The following MAML3 variants were observed in gnomAD, a reference collection of about 807,000 sequenced individuals.
The protein encoded by MAML3 is mastermind like transcriptional coactivator 3.
In MAML3, 27 loss-of-function variants were observed where a neutral mutation model predicts 101.9. The observed-to-expected ratio is 0.27, with a 90% CI of 0.20 to 0.37. MAML3 has a LOEUF of 0.37. Among genes scored for constraint, MAML3 ranks in the 10% least tolerant of loss-of-function variants. MAML3 has a pLI of 1.00. For missense variants in MAML3, 1,316 were observed against 1,444.9 expected (o/e 0.91, Z 1.45); for synonymous variants, 501 against 555.9 (o/e 0.90, Z 1.39).
intron 1 of MAML3, chr4:140,134,028 C>G (rs1321724187): frequency 2.3e-6 from 1 of 433,546 alleles, no homozygotes; most frequent in East Asian, 7.1e-5. Context: ...CTTCTGCCAT[C>G]TCTCCCATCT....
chr4:139,959,487 T>C (rs1483724483), intron 1 of MAML3, among the ~76,000 whole-genome samples: 1 of 152,194 alleles, frequency 6.6e-6, no homozygotes, highest in Non-Finnish European at 1.5e-5. Flanking sequence ...AAAAGAAAGC[T>C]GCTTTCAAGG....
At chr4:140,128,374 A>C (rs545740129) in intron 1 of MAML3, among the ~76,000 whole-genome samples, 1 of 152,324 alleles carries the variant, frequency 6.6e-6, no homozygotes, top group African/African-American at 2.4e-5. Context: ...AACAACCTGC[A>C]GGGCTAAAAA....
chr4:140,121,785 T>A (rs1051101578), intron 1 of MAML3, among the ~76,000 whole-genome samples: 2 of 152,232 alleles, frequency 1.3e-5, no homozygotes, highest in African/African-American at 2.4e-5. Context: ...TGCTCAATAG[T>A]GCATGATATG....
chr4:139,732,498 G>A lies in MAML3; in HGVS notation c.2080-1831C>T, dbSNP rs554185022. On this transcript the variant is annotated intron_variant, in intron 2 of 4. Coordinates refer to ENST00000509479, the MANE Select transcript of MAML3 (RefSeq NM_018717.5). Reference sequence around the variant, plus strand: ...TACCCTAGAAACAATCACCCAAGAAGCTCTGGTTTGTTCGTGCAGTAGCTT... The same window carrying A: ...TACCCTAGAAACAATCACCCAAGAAACTCTGGTTTGTTCGTGCAGTAGCTT... Among the ~76,000 whole-genome samples, 4 of 151,858 alleles carry A rather than the reference G, an allele frequency of 2.6e-5. No individual in the cohort carries two copies. In the South Asian group the frequency reaches 6.2e-4, roughly 24 times the overall value.
chr4:139,768,222 T>TTGTGTGTGTGTGTGTG (rs34182828), intron 2 of MAML3, among the ~76,000 whole-genome samples: 3 of 136,438 alleles, frequency 2.2e-5, no homozygotes, highest in South Asian at 2.6e-4. Flanking sequence ...CTGTTGATAG[T>TTGTGTGTGTGTGTGTG]TGTGTGTGTG....
chr4:140,045,603 T>C (rs1402426012), intron 1 of MAML3, among the ~76,000 whole-genome samples: 17 of 152,218 alleles, frequency 1.1e-4, no homozygotes, highest in Admixed American at 1.1e-3. Flanking sequence ...TGGACATCTA[T>C]GCTCCTTGCA....
At chr4:139,738,143 T>C (rs1489028841) in intron 2 of MAML3, among the ~76,000 whole-genome samples, 1 of 152,256 alleles carries the variant, frequency 6.6e-6, no homozygotes, top group Non-Finnish European at 1.5e-5. Flanking sequence ...TTGTGGTTGT[T>C]ATTCTTACTG....
chr4:139,839,386 C>T (rs1731320329), intron 2 of MAML3, among the ~76,000 whole-genome samples: 1 of 152,094 alleles, frequency 6.6e-6, no homozygotes, highest in Non-Finnish European at 1.5e-5. Flanking sequence ...TTGCTTTTGC[C>T]ATGTTACCCA....
chr4:140,004,680 C>T (rs1352818320), intron 1 of MAML3, among the ~76,000 whole-genome samples: 2 of 152,018 alleles, frequency 1.3e-5, no homozygotes, highest in South Asian at 2.1e-4. Context: ...GAGACAATGA[C>T]GGCTCCAGGA....
chr4:139,724,427 T>C (rs1231821746), intron 4 of MAML3, among the ~76,000 whole-genome samples: 1 of 152,218 alleles, frequency 6.6e-6, no homozygotes, highest in Admixed American at 6.5e-5. Context: ...CCAATAACCT[T>C]GTGTGTTGCA....
In MAML3 at chr4:140,153,055, G is replaced by A. The variant is rs1371883259; in HGVS notation, c.273C>T (p.Cys91=). ...CCTGAGCCTGCTGGTACCTGTTCTC[G>A]CAGTTGACGTGGTGCCGACGGCAGC... ...IEGCRRHHVN[C]ENRYQQAQVE... The change falls in exon 1 of 5, where the codon TGC becomes TGT. Residue 91 remains cysteine, a synonymous_variant. Transcript: ENST00000509479. The A allele has an allele frequency of 3.8e-6, 6 of 1,576,308 alleles. No individual in the cohort carries two copies. The highest frequency in any genetic ancestry group is 5.2e-6 in the Non-Finnish European group (6 of 1,160,642).
At chr4:140,019,204 CCCTACACAACACTGACAAAAT>C (rs1231753042) in intron 1 of MAML3, among the ~76,000 whole-genome samples, 6 of 152,160 alleles carry the variant, frequency 3.9e-5, no homozygotes, top group Non-Finnish European at 8.8e-5. Flanking sequence ...AGAAAACTCT[CCCTACACAACACTGACAAAAT>C]CCTAATAAAT....
At chr4:139,872,730 C>G (rs1414312727) in intron 2 of MAML3, among the ~76,000 whole-genome samples, 1 of 151,776 alleles carries the variant, frequency 6.6e-6, no homozygotes, top group Non-Finnish European at 1.5e-5. Flanking sequence ...GGAAAGAATT[C>G]TTAAGGCAGA....
chr4:139,835,502 G>A (rs1731242296), intron 2 of MAML3, among the ~76,000 whole-genome samples: 1 of 152,192 alleles, frequency 6.6e-6, no homozygotes, highest in Non-Finnish European at 1.5e-5. Context: ...CATAACTGAG[G>A]TTAAAAGTCC....
intron 2 of MAML3, among the ~76,000 whole-genome samples, chr4:139,886,587 T>C (rs1161891538): frequency 2.0e-5 from 3 of 152,190 alleles, no homozygotes. Flanking sequence ...ATGATCTATT[T>C]TATTCATATT....
At chr4:139,987,770 AGCACTTTGGAAG>A (rs1734575855) in intron 1 of MAML3, among the ~76,000 whole-genome samples, 1 of 152,234 alleles carries the variant, frequency 6.6e-6, no homozygotes, top group African/African-American at 2.4e-5. Context: ...CTGTAATCCC[AGCACTTTGGAAG>A]GCCGAGGCAG....
At chr4:139,726,847 G>A (rs776066770) in intron 3 of MAML3, among the ~76,000 whole-genome samples, 23 of 152,160 alleles carry the variant, frequency 1.5e-4, no homozygotes, top group Non-Finnish European at 2.2e-4. Flanking sequence ...TTATCATGCT[G>A]TATGTGCAAA....
intron 1 of MAML3, among the ~76,000 whole-genome samples, chr4:140,098,878 A>G (rs1728203002): frequency 6.6e-6 from 1 of 152,108 alleles, no homozygotes; most frequent in Non-Finnish European, 1.5e-5. Context: ...ACTTATTTTG[A>G]GGTGGGGGAG....
At chr4:139,866,615 C>T (rs1333253639) in intron 2 of MAML3, among the ~76,000 whole-genome samples, 1 of 152,138 alleles carries the variant, frequency 6.6e-6, no homozygotes, top group Non-Finnish European at 1.5e-5. Flanking sequence ...AGACAGGTGA[C>T]CTATTTTTTT....
Sources: allele counts gnomAD v4.1 joint callset (sites outside exome capture counted in the v4.1 genomes callset), GRCh38; gene constraint gnomAD v4.1.1; transcripts MANE v1.5; gene names NCBI Gene and HGNC (gene_info 2026-07-23, HGNC 2026-07-21).